The following FAM120B variants were observed in gnomAD, a reference collection of about 807,000 sequenced individuals.
The protein encoded by FAM120B is constitutive coactivator of peroxisome proliferator-activated receptor gamma.
A neutral mutation model predicts 96.3 loss-of-function variants in FAM120B; 83 were observed. The ratio of observed to expected loss-of-function variants is 0.86; its 90% confidence interval spans 0.72 to 1.03. FAM120B has a LOEUF of 1.03. Ranked by LOEUF, FAM120B falls within the 50% of genes least tolerant of loss-of-function variation. The pLI is 0.00. For missense variants in FAM120B, 1,027 were observed against 1,121.2 expected (o/e 0.92, Z 1.20); for synonymous variants, 407 against 402.7 (o/e 1.01, Z -0.13).
At chr6:170,373,025 A>T (rs947690602) in intron 6 of FAM120B, among the ~76,000 whole-genome samples, 1 of 152,252 alleles carries the variant, frequency 6.6e-6, no homozygotes, top group African/African-American at 2.4e-5. Context: ...TACAAGTATC[A>T]TTTTACATAA....
chr6:170,361,219 T>TATAC lies in FAM120B; in HGVS notation c.2283+2904_2283+2905insCATA, dbSNP rs1554286424. Among the ~76,000 whole-genome samples, 21 of 116,360 alleles carry TATAC rather than the reference T, an allele frequency of 1.8e-4. 1 individual carries two copies. In the Admixed American group the frequency reaches 1.8e-3, roughly 10 times the overall value. The allele number at this position is 116,360 out of a possible 152,430, so 76.3% of individuals were successfully genotyped here. ...ACGTGTATATATATATATATATATA[T>TATAC]ATATATATATATATATACACGTATA... On this transcript the variant is annotated intron_variant, in intron 6 of 10. Coordinates refer to ENST00000476287, the MANE Select transcript of FAM120B (RefSeq NM_032448.3).
upstream of FAM120B, among the ~76,000 whole-genome samples, chr6:170,306,172 G>A (rs1325538017): frequency 1.3e-5 from 2 of 152,208 alleles, no homozygotes; most frequent in Admixed American, 1.3e-4. Flanking sequence ...ACACCCGGCC[G>A]AGAAGTGCTC....
At chr6:170,398,297 G>A (rs1418782377) in intron 9 of FAM120B, among the ~76,000 whole-genome samples, 2 of 152,244 alleles carry the variant, frequency 1.3e-5, no homozygotes, top group African/African-American at 2.4e-5. Flanking sequence ...TTAGTAAAGT[G>A]TAACTCTTAG....
At chr6:170,377,144 G>A (rs544906432) in intron 6 of FAM120B, among the ~76,000 whole-genome samples, 2 of 112,904 alleles carry the variant, frequency 1.8e-5, no homozygotes, top group Non-Finnish European at 3.5e-5. Context: ...ACAGGCTCAC[G>A]CTGCTCGGTG....
chr6:170,388,844 G>A (rs918643712), intron 7 of FAM120B, among the ~76,000 whole-genome samples: 5 of 152,156 alleles, frequency 3.3e-5, no homozygotes, highest in African/African-American at 4.8e-5. Context: ...CCCCCAAAAC[G>A]TTACTACAAA....
intron 4 of FAM120B, among the ~76,000 whole-genome samples, chr6:170,334,547 G>GGTGT (rs10560646): frequency 0.09 from 13,515 of 149,718 alleles, 1,337 homozygotes; most frequent in East Asian, 0.51. Flanking sequence ...AAAGGAAGCT[G>GGTGT]GTGTGTGTGT....
intron 8 of FAM120B, among the ~76,000 whole-genome samples, chr6:170,392,073 A>G (rs958010225): frequency 6.6e-6 from 1 of 152,328 alleles, no homozygotes; most frequent in East Asian, 1.9e-4. Flanking sequence ...CTTCAAACAG[A>G]ATATCATTGT....
chr6:170,317,694 G>A lies in FAM120B; in HGVS notation c.304G>A (p.Val102Met), dbSNP rs758384293. The A allele has an allele frequency of 1.2e-6, 2 of 1,614,150 alleles. No individual in the cohort carries two copies. The highest frequency in any genetic ancestry group is 8.5e-7 in the Non-Finnish European group (1 of 1,180,014). The part of the protein sequence containing the change: ...MVEQDKRDEW[V>M]KRRLKNNREI... ...GGAGCAGGATAAGAGAGATGAATGGGTGAAACGAAGGCTCAAGAACAACAG... is the reference window on the plus strand; with the variant it reads ...GGAGCAGGATAAGAGAGATGAATGGATGAAACGAAGGCTCAAGAACAACAG... Residue 102 changes from valine (V) to methionine (M), a missense_variant, in exon 2 of 11, where the codon GTG becomes ATG. Coordinates refer to ENST00000476287, the MANE Select transcript of FAM120B (RefSeq NM_032448.3).
At chr6:170,397,201 C>T (rs1401945368) in intron 9 of FAM120B, among the ~76,000 whole-genome samples, 2 of 152,186 alleles carry the variant, frequency 1.3e-5, no homozygotes, top group African/African-American at 4.8e-5. Flanking sequence ...GGATGAGAGG[C>T]CTTCCTCACA....
At chr6:170,329,883 C>T (rs1005860053) in intron 3 of FAM120B, among the ~76,000 whole-genome samples, 9 of 152,188 alleles carry the variant, frequency 5.9e-5, no homozygotes, top group African/African-American at 1.7e-4. Context: ...CTTTCTGCCC[C>T]GCATCGAAGC....
At chr6:170,302,475 T>C (rs183610849), upstream of FAM120B, among the ~76,000 whole-genome samples, 570 of 152,334 alleles carry the variant, frequency 3.7e-3, 2 homozygotes, top group Non-Finnish European at 6.1e-3. Context: ...ATGTGGTTGT[T>C]ATACTCAAAA....
intron 9 of FAM120B, among the ~76,000 whole-genome samples, chr6:170,400,402 C>G (rs181828770): frequency 1.3e-5 from 2 of 152,136 alleles, no homozygotes; most frequent in Non-Finnish European, 2.9e-5. Flanking sequence ...GTACTGACTC[C>G]TCTGGGAATG....
chr6:170,373,646 T>G (rs1789337624), intron 6 of FAM120B, among the ~76,000 whole-genome samples: 2 of 152,228 alleles, frequency 1.3e-5, no homozygotes, highest in Non-Finnish European at 2.9e-5. Flanking sequence ...GTTTTTGGTA[T>G]GGACCTCCTA....
chr6:170,350,123 C>A (rs113263618), intron 5 of FAM120B, among the ~76,000 whole-genome samples: 1 of 152,194 alleles, frequency 6.6e-6, no homozygotes, highest in African/African-American at 2.4e-5. Context: ...AAGAGTTTTA[C>A]ATACTCCGGC....
At chr6:170,358,813 A>C (rs947601377) in intron 6 of FAM120B, among the ~76,000 whole-genome samples, 3 of 152,168 alleles carry the variant, frequency 2.0e-5, no homozygotes, top group African/African-American at 7.2e-5. Context: ...TTGTATTCAG[A>C]CATGCCCTCC....
At chr6:170,322,753 G>T (rs1785376154) in intron 2 of FAM120B, among the ~76,000 whole-genome samples, 1 of 152,134 alleles carries the variant, frequency 6.6e-6, no homozygotes, top group Non-Finnish European at 1.5e-5. Flanking sequence ...TGGTCTAGGG[G>T]ATTAAGACCC....
chr6:170,355,327 C>G (rs1266472850), intron 5 of FAM120B, among the ~76,000 whole-genome samples: 3 of 152,152 alleles, frequency 2.0e-5, no homozygotes, highest in Non-Finnish European at 2.9e-5. Context: ...AAATGCATAT[C>G]AGTGATAGAC....
chr6:170,300,896 C>A (rs556308494), intron 1 of FAM120B, among the ~76,000 whole-genome samples: 24 of 152,246 alleles, frequency 1.6e-4, no homozygotes, highest in Admixed American at 1.0e-3. Flanking sequence ...CAGGGTAAAC[C>A]CCCCCCTCCT....
At chr6:170,331,849 G>A (rs1439981323) in intron 4 of FAM120B, among the ~76,000 whole-genome samples, 2 of 152,252 alleles carry the variant, frequency 1.3e-5, no homozygotes, top group Non-Finnish European at 2.9e-5. Context: ...GAAAGCGTGT[G>A]TATAGCACCT....
Sources: gnomAD v4.1 joint callset for allele counts (sites outside exome capture counted in the v4.1 genomes callset) on GRCh38, gnomAD v4.1.1 for gene constraint, MANE v1.5 for transcripts, NCBI Gene and HGNC (gene_info 2026-07-23, HGNC 2026-07-21) for gene names.